MED27: variants seen among roughly 807,000 people sequenced by gnomAD.
The protein encoded by MED27 is mediator of RNA polymerase II transcription subunit 27.
A neutral mutation model predicts 38.2 loss-of-function variants in MED27; 30 were observed. The observed-to-expected ratio is 0.79, with a 90% CI of 0.59 to 1.07. The LOEUF is 1.07. Among genes scored for constraint, MED27 ranks in the 50% least tolerant of loss-of-function variants. The pLI, the probability that MED27 is intolerant of heterozygous loss-of-function variation, is 0.00. For synonymous variants in MED27, 122 were observed against 153.5 expected (o/e 0.79, Z 1.52); for missense variants, 289 against 397.5 (o/e 0.73, Z 2.32).
At chr9:132,004,951 C>T (rs1832325975) in intron 3 of MED27, among the ~76,000 whole-genome samples, 1 of 152,158 alleles carries the variant, frequency 6.6e-6, no homozygotes, top group South Asian at 2.1e-4. Flanking sequence ...AGTCTCACAA[C>T]ATGGGGCACA....
chr9:132,065,199 T>C (rs1833782019), intron 2 of MED27, among the ~76,000 whole-genome samples: 2 of 152,144 alleles, frequency 1.3e-5, no homozygotes, highest in South Asian at 2.1e-4. Context: ...CAGATTCTCA[T>C]CCTTCAAAAT....
At chr9:131,991,799 G>A (rs1831982145) in intron 3 of MED27, among the ~76,000 whole-genome samples, 1 of 152,166 alleles carries the variant, frequency 6.6e-6, no homozygotes, top group Non-Finnish European at 1.5e-5. Flanking sequence ...TCCGCTCACT[G>A]CAACCTCCAC....
chr9:131,868,854 A>C, intron 6 of MED27: 1 of 985,490 alleles, frequency 1.0e-6, no homozygotes, highest in Non-Finnish European at 1.2e-6. Context: ...AGATTCACAA[A>C]TGTGCCTGCT....
At chr9:132,076,540 A>G (rs954423718) in intron 2 of MED27, among the ~76,000 whole-genome samples, 8 of 152,072 alleles carry the variant, frequency 5.3e-5, no homozygotes, top group Admixed American at 1.3e-4. Flanking sequence ...ACCTAAGGGG[A>G]AAAAAAACCA....
intron 4 of MED27, among the ~76,000 whole-genome samples, chr9:131,916,301 C>A (rs1301604766): frequency 2.0e-5 from 3 of 152,192 alleles, no homozygotes; most frequent in African/African-American, 7.2e-5. Context: ...TTGGTCTATA[C>A]AGTATAAGTC....
intron 5 of MED27, among the ~76,000 whole-genome samples, chr9:131,884,451 T>C (rs915997628): frequency 2.0e-5 from 3 of 152,298 alleles, no homozygotes; most frequent in African/African-American, 4.8e-5. Flanking sequence ...CCCTTTGCAC[T>C]TGCTGTGCCC....
At chr9:131,922,237 T>C (rs1830406044) in intron 4 of MED27, among the ~76,000 whole-genome samples, 2 of 152,040 alleles carry the variant, frequency 1.3e-5, no homozygotes, top group Admixed American at 6.5e-5. Flanking sequence ...CCCACAGCTA[T>C]TGTTAAAGAA....
At chr9:131,932,382 G>GAAAA (rs55702268) in intron 4 of MED27, among the ~76,000 whole-genome samples, 4 of 139,370 alleles carry the variant, frequency 2.9e-5, no homozygotes, top group African/African-American at 1.1e-4. Flanking sequence ...ACTAATTAGG[G>GAAAA]AAAAAAAAAA....
chr9:131,903,781 G>A (rs1829997691), intron 4 of MED27, among the ~76,000 whole-genome samples: 2 of 152,022 alleles, frequency 1.3e-5, no homozygotes, highest in South Asian at 4.1e-4. Flanking sequence ...AGGTTGGAGT[G>A]CAGTAGCATG....
intron 4 of MED27, among the ~76,000 whole-genome samples, chr9:131,899,386 A>AG (rs1248459908): frequency 1.3e-5 from 2 of 152,196 alleles, no homozygotes; most frequent in Non-Finnish European, 2.9e-5. Flanking sequence ...TGCAAGCCTG[A>AG]GGGTCAGGCA....
At chr9:132,058,022 G>GA (rs1397254650) in intron 2 of MED27, among the ~76,000 whole-genome samples, 1 of 151,716 alleles carries the variant, frequency 6.6e-6, no homozygotes, top group East Asian at 1.9e-4. Context: ...CTATCCTCAA[G>GA]AAAAAAAACT....
At chr9:132,064,266 G>A (rs765713931) in intron 2 of MED27, among the ~76,000 whole-genome samples, 2 of 152,190 alleles carry the variant, frequency 1.3e-5, no homozygotes, top group Non-Finnish European at 2.9e-5. Flanking sequence ...CAGCATACCC[G>A]GAGGAGGTGC....
At chr9:131,892,361 A>ATG (rs1239115041) in intron 5 of MED27, among the ~76,000 whole-genome samples, 5 of 152,238 alleles carry the variant, frequency 3.3e-5, no homozygotes, top group Non-Finnish European at 1.5e-5. Context: ...CAAGTGCTTT[A>ATG]TGTGTACTAC....
intron 3 of MED27, among the ~76,000 whole-genome samples, chr9:132,006,354 T>C (rs1304782579): frequency 6.6e-6 from 1 of 152,222 alleles, no homozygotes; most frequent in Non-Finnish European, 1.5e-5. Context: ...CACTGTTACT[T>C]TGCTCAGAGG....
intron 2 of MED27, among the ~76,000 whole-genome samples, chr9:132,054,601 G>C (rs1001473757): frequency 2.6e-5 from 4 of 152,208 alleles, no homozygotes; most frequent in Admixed American, 2.0e-4. Flanking sequence ...TGTTTGTAGA[G>C]ATGGAGTTTT....
intron 4 of MED27, among the ~76,000 whole-genome samples, chr9:131,906,944 G>T (rs927178830): frequency 1.3e-5 from 2 of 152,136 alleles, no homozygotes; most frequent in Non-Finnish European, 2.9e-5. Flanking sequence ...GACTATATAG[G>T]TTAACTTCCT....
chr9:132,004,850 A>C (rs542575725), intron 3 of MED27, among the ~76,000 whole-genome samples: 1 of 152,346 alleles, frequency 6.6e-6, no homozygotes, highest in African/African-American at 2.4e-5. Flanking sequence ...CAGAGGAACG[A>C]GCCTTCAGGA....
intron 4 of MED27, among the ~76,000 whole-genome samples, chr9:131,922,532 C>T (rs567126641): frequency 6.6e-6 from 1 of 152,032 alleles, no homozygotes; most frequent in South Asian, 2.1e-4. Context: ...CCTCCACCTC[C>T]CAGGTTCAAG....
At chr9:131,959,827 T>C (rs1257286860) in intron 3 of MED27, among the ~76,000 whole-genome samples, 1 of 152,174 alleles carries the variant, frequency 6.6e-6, no homozygotes, top group African/African-American at 2.4e-5. Flanking sequence ...AGCAGAACAA[T>C]TCCAAGTACC....
Sources: allele counts gnomAD v4.1 joint callset (sites outside exome capture counted in the v4.1 genomes callset), GRCh38; gene constraint gnomAD v4.1.1; transcripts MANE v1.5; gene names NCBI Gene and HGNC (gene_info 2026-07-23, HGNC 2026-07-21).